Variants in CRLF2 observed in about 807,000 individuals in gnomAD.
CRLF2 encodes the protein cytokine receptor-like factor 2.
In CRLF2, 41 loss-of-function variants were observed where a neutral mutation model predicts 38.7. The ratio of observed to expected loss-of-function variants is 1.06; its 90% CI spans 0.83 to 1.37. The LOEUF (loss-of-function observed/expected upper bound fraction) is 1.37. CRLF2 is among the 40% of genes most tolerant of loss of function. The pLI, the probability that CRLF2 is intolerant of heterozygous loss-of-function variation, is 0.00. For synonymous variants in CRLF2, 140 were observed against 128.8 expected, an observed-to-expected ratio of 1.09 and a Z score of -0.59; for missense variants, 377 against 322.2, an observed-to-expected ratio of 1.17 and a Z score of -1.30.
chrX:1,212,436 AAAG>A (rs1420446238), intron 1 of CRLF2, 117 bp downstream of exon 1: 40,032 of 567,862 alleles, frequency 0.07, 1,312 homozygotes, highest in Admixed American at 0.15. Flanking sequence ...AAAAAAAAAA[AAAG>A]AAAAGAAGAA....
chrX:1,208,959 T>A (rs1202554157), intron 1 of CRLF2, 51 bp from the exon 2 acceptor site: 7 of 1,052,384 alleles, frequency 6.7e-6, no homozygotes, highest in South Asian at 5.5e-5. Context: ...TCTATTTTTT[T>A]ATTTTTTTAA....
chrX:1,192,762 T>TTC (rs1305543490), intron 7 of CRLF2, among the ~76,000 whole-genome samples: 7 of 139,136 alleles, frequency 5.0e-5, no homozygotes, highest in Non-Finnish European at 1.1e-4. Flanking sequence ...CTTTCTTTCT[T>TTC]TCTTTCCTTC....
chrX:1,198,913 C>A, intron 4 of CRLF2, 189 bp from the exon 5 acceptor site: 1 of 635,508 alleles, frequency 1.6e-6, no homozygotes, highest in Non-Finnish European at 2.8e-6. Context: ...CTTTGGGAGG[C>A]TGAGGCGGGT....
At chrX:1,211,512 GGTGAATGC>G (rs1176501660) in intron 1 of CRLF2, among the ~76,000 whole-genome samples, 4 of 51,638 alleles carry the variant, frequency 7.7e-5, no homozygotes, top group Non-Finnish European at 7.1e-5. Context: ...TAAAAGTGTG[GGTGAATGC>G]ATGGATAGAT....
intron 6 of CRLF2, 40 bp downstream of exon 6, chrX:1,196,740 G>A (rs1344240009): frequency 8.7e-6 from 14 of 1,607,282 alleles, no homozygotes; most frequent in Non-Finnish European, 1.2e-5. Flanking sequence ...CATTGTGCAA[G>A]CAGGTCCCTC....
chrX:1,205,729 T>A (rs1184031656), intron 3 of CRLF2, among the ~76,000 whole-genome samples: 7 of 152,104 alleles, frequency 4.6e-5, no homozygotes, highest in African/African-American at 1.7e-4. Context: ...TTGCTAGAGC[T>A]TGCTTTTCAG....
At position 1,196,879 on chromosome X, in the gene CRLF2, G is replaced by C; in HGVS notation, c.668C>G (p.Thr223Arg). 2 of 1,613,530 alleles carry C rather than the reference G, an allele frequency of 1.2e-6. No individual in the cohort carries two copies. Among genetic ancestry groups the C allele is most frequent in the Non-Finnish European group, 1.7e-6 (2 of 1,179,652 alleles). The change falls in exon 6 of 8, where the codon ACG becomes AGG. Residue 223 changes from threonine (T) to arginine (R), a missense_variant. By Grantham distance (71) the Thr-to-Arg change is moderately conservative. Coordinates refer to ENST00000400841, the MANE Select transcript of CRLF2 (RefSeq NM_022148.4). ...TTTGGACAGCTTTGGTTTGGGAGGC[G>C]TTGGTGTCTCTGCACAGGCATCTGA... The part of the protein sequence containing the change: ...EIRDACAETP[T>R]PPKPKLSKFI...
chrX:1,197,245 A>G (rs1361351093), intron 5 of CRLF2, among the ~76,000 whole-genome samples: 12 of 150,268 alleles, frequency 8.0e-5, no homozygotes, highest in Non-Finnish European at 1.3e-4. Context: ...GGCATCCGCC[A>G]CCACACCGGG....
At chrX:1,202,344 G>T in intron 4 of CRLF2, 58 bp downstream of exon 4, 9 of 1,605,564 alleles carry the variant, frequency 5.6e-6, no homozygotes, top group Non-Finnish European at 7.7e-6. Context: ...GAATCCCACA[G>T]CCCGCACCTG....
At chrX:1,199,478 TC>T (rs1354977025) in intron 4 of CRLF2, among the ~76,000 whole-genome samples, 4 of 151,874 alleles carry the variant, frequency 2.6e-5, no homozygotes, top group African/African-American at 4.8e-5. Flanking sequence ...TTTTTGTATT[TC>T]TAGTAGAGAT....
chrX:1,197,302 A>G (rs1465171892), intron 5 of CRLF2, among the ~76,000 whole-genome samples: 1 of 149,718 alleles, frequency 6.7e-6, no homozygotes, highest in African/African-American at 2.5e-5. Flanking sequence ...TTTTTTTTTA[A>G]TGAATGTTAG....
chrX:1,201,679 C>G (rs1403447615), intron 4 of CRLF2, among the ~76,000 whole-genome samples: 3 of 149,560 alleles, frequency 2.0e-5, no homozygotes, highest in African/African-American at 7.4e-5. Context: ...ACAGATGATA[C>G]AGAGTAGATA....
intron 6 of CRLF2, among the ~76,000 whole-genome samples, chrX:1,196,051 T>C (rs2086469477): frequency 6.8e-6 from 1 of 146,498 alleles, no homozygotes; most frequent in African/African-American, 2.5e-5. Context: ...CGGCTAATTT[T>C]TATATTTTTA....
intron 7 of CRLF2, among the ~76,000 whole-genome samples, chrX:1,192,564 C>T (rs1297003212): frequency 2.6e-5 from 4 of 151,632 alleles, no homozygotes; most frequent in African/African-American, 4.8e-5. Flanking sequence ...TGCAGTGAGC[C>T]GAGATCAAAC....
chrX:1,192,703 TTTTCTTTTCTTTCTTTC>T (rs1426128128), intron 7 of CRLF2, among the ~76,000 whole-genome samples: 58 of 147,548 alleles, frequency 3.9e-4, no homozygotes, highest in African/African-American at 1.2e-3. Context: ...TTTTCTTTTC[TTTTCTTTTCTTTCTTTC>T]TTTCTTTCTT....
chrX:1,198,489 CG>C, intron 5 of CRLF2, 72 bp downstream of exon 5: 1 of 1,541,406 alleles, frequency 6.5e-7, no homozygotes, highest in Non-Finnish European at 9.0e-7. Flanking sequence ...TCCCACCTCC[CG>C]GGAAGGCAGT....
At chrX:1,212,416 C>T (rs1470997907) in intron 1 of CRLF2, 140 bp downstream of exon 1, 13 of 563,754 alleles carry the variant, frequency 2.3e-5, no homozygotes, top group South Asian at 4.5e-5. Context: ...TGCTTGAACC[C>T]GGAAAAAAAA....
Position 1,202,513 on chromosome X carries a change from G to A in CRLF2, c.372C>T (p.His124=), listed in dbSNP as rs370449284. 69 of 1,613,692 alleles carry A rather than the reference G, an allele frequency of 4.3e-5. No individual in the cohort carries two copies. The African/African-American group carries it at 6.9e-4, about 16-fold the overall frequency. The change falls in exon 4 of 8, where the codon CAC becomes CAT. Residue 124 remains histidine, a synonymous_variant. Coordinates refer to ENST00000400841, the MANE Select transcript of CRLF2 (RefSeq NM_022148.4). ...CATCCTGATGCCACGAAAATCTCACGTGCTTCGGGGAACTGGGTTTCACTG... is the reference window on the plus strand; with the variant it reads ...CATCCTGATGCCACGAAAATCTCACATGCTTCGGGGAACTGGGTTTCACTG... ...VYYLKPSSPK[H]VRFSWHQDAV... is the part of the protein sequence containing the mutation.
chrX:1,194,028 G>A lies in CRLF2; in HGVS notation c.768-726C>T, dbSNP rs2086438914. On this transcript the variant is annotated intron_variant, in intron 6 of 7. Transcript: ENST00000400841. Reference sequence around the variant, plus strand: ...TAATCCCAGCTACTTGGGATGCTGAGGCAGGAGAATCGCTTGAACCTGGGG... The same window carrying A: ...TAATCCCAGCTACTTGGGATGCTGAAGCAGGAGAATCGCTTGAACCTGGGG... Among the ~76,000 whole-genome samples the A allele has an allele frequency of 3.9e-5, 6 of 152,082 alleles. No homozygotes were observed. The Middle Eastern group carries it at 0.017, about 431-fold the overall frequency.
Sources: gnomAD v4.1 joint callset for allele counts (sites outside exome capture counted in the v4.1 genomes callset) on GRCh38, gnomAD v4.1.1 for gene constraint, MANE v1.5 for transcripts, NCBI Gene and HGNC (gene_info 2026-07-23, HGNC 2026-07-21) for gene names.